PSMB9: variants seen among roughly 807,000 people sequenced by gnomAD.
PSMB9 encodes proteasome subunit beta type-9.
A neutral mutation model predicts 26.9 loss-of-function variants in PSMB9; 16 were observed. The ratio of observed to expected loss-of-function variants is 0.59; its 90% CI spans 0.40 to 0.90. PSMB9 has a LOEUF of 0.90. PSMB9 is among the 40% of genes least tolerant of loss of function. The pLI is 0.00. For synonymous variants in PSMB9, 91 were observed against 112.0 expected, an observed-to-expected ratio of 0.81 and a Z score of 1.18; for missense variants, 253 against 292.2, an observed-to-expected ratio of 0.87 and a Z score of 0.98.
Position 32,858,102 on chromosome 6 carries a change from G to A in PSMB9, c.358G>A (p.Val120Ile). ...YREDLSAHLM[V>I]AGWDQREGGQ... ...AGAGGACTTGTCTGCACATCTCATGGTAGCTGGCTGGGACCAACGTGAAGG... is the reference window on the plus strand; with the variant it reads ...AGAGGACTTGTCTGCACATCTCATGATAGCTGGCTGGGACCAACGTGAAGG... The change falls in exon 4 of 6, where the codon GTA becomes ATA. Residue 120 changes from valine to isoleucine, a missense_variant. Coordinates refer to ENST00000374859, the MANE Select transcript of PSMB9 (RefSeq NM_002800.5). The surrounding 1 kb of genome is among the most constrained non-coding windows in gnomAD (Gnocchi z 5.2). 1.9e-6 allele frequency: 3 copies of A among 1,613,092 alleles called. No homozygotes were observed. Among genetic ancestry groups the A allele is most frequent in the Middle Eastern group, 1.6e-4 (1 of 6,062 alleles).
Position 32,858,893 on chromosome 6 carries a change from A to G in PSMB9, c.532+388A>G, listed in dbSNP as rs1234789218. The G allele has an allele frequency of 2.1e-5, 4 of 194,356 alleles. No individual in the cohort carries two copies. The highest frequency in any genetic ancestry group is 3.7e-5 in the Non-Finnish European group (4 of 107,408). 12.0% of individuals were successfully genotyped at this position (194,356 alleles called of 1,614,324 possible). On this transcript the variant is annotated intron_variant, in intron 5 of 5. Coordinates refer to ENST00000374859, the MANE Select transcript of PSMB9 (RefSeq NM_002800.5). The surrounding 1 kb of genome is among the most constrained non-coding windows in gnomAD (Gnocchi z 5.2). ...CCACAAAAAACAATAAAAAAAAGTA[A>G]AAAAAAAAATGAACTGGGCATAGTG... is the stretch of plus-strand genomic sequence containing the variant.
chr6:32,858,286 C>A lies in PSMB9; in HGVS notation c.391-78C>A. ...GATATGAGATACCAGGGCTTCATTG[C>A]AGGGTGCAGAGACCACTTAATGTCT... On this transcript the variant is annotated intron_variant, in intron 4 of 5. Transcript: ENST00000374859. The surrounding 1 kb of genome is among the most constrained non-coding windows in gnomAD (Gnocchi z 5.2). The A allele has an allele frequency of 1.2e-6, 2 of 1,604,144 alleles. No homozygotes were observed. The highest frequency in any genetic ancestry group is 1.7e-6 in the Non-Finnish European group (2 of 1,173,638).
In PSMB9 at chr6:32,858,870, A is replaced by C; in HGVS notation, c.532+365A>C. On this transcript the variant is annotated intron_variant, in intron 5 of 5. Transcript: ENST00000374859. The surrounding 1 kb of genome is among the most constrained non-coding windows in gnomAD (Gnocchi z 5.2). ...GGCAAGATGGTGAAACCCTGTCTCC[A>C]CAAAAAACAATAAAAAAAAGTAAAA... 1 of 337,730 alleles carries C rather than the reference A, an allele frequency of 3.0e-6. No individual in the cohort carries two copies. The highest frequency in any genetic ancestry group is 5.5e-6 in the Non-Finnish European group (1 of 182,100). The allele number at this position is 337,730 out of a possible 1,614,324, so 20.9% of individuals were successfully genotyped here. A position where few individuals can be genotyped will look rare whatever the true frequency, so the allele number is the denominator to read the frequency against.
chr6:32,858,133 A>G lies in PSMB9; in HGVS notation c.389A>G (p.Gln130Arg). 1.2e-6 allele frequency: 2 copies of G among 1,613,074 alleles called. No individual in the cohort carries two copies. Among genetic ancestry groups the G allele is most frequent in the Non-Finnish European group, 1.7e-6 (2 of 1,180,006 alleles). Residue 130 changes from glutamine to arginine, a missense_variant and splice_region_variant, in exon 4 of 6, where the codon CAG (glutamine) becomes CGG (arginine). Coordinates refer to ENST00000374859, the MANE Select transcript of PSMB9 (RefSeq NM_002800.5). The surrounding 1 kb of genome is among the most constrained non-coding windows in gnomAD (Gnocchi z 5.2). ...GGCTGGGACCAACGTGAAGGAGGTC[A>G]GGTGAGTTTCTCCCAAAGCACTCTC... ...VAGWDQREGG[Q>R]VYGTLGGMLT...
chr6:32,855,981 G>T, intron 1 of PSMB9, 157 bp from the exon 2 acceptor site: 1 of 622,864 alleles, frequency 1.6e-6, no homozygotes, highest in South Asian at 2.0e-5. Flanking sequence ...GTGGAAAGAT[G>T]AAGGGAAAAA....
intron 3 of PSMB9, 160 bp from the exon 4 acceptor site, chr6:32,857,845 T>G: frequency 1.3e-6 from 1 of 752,438 alleles, no homozygotes. Flanking sequence ...TACCAGTTGG[T>G]GGTGTGGGAC....
At chr6:32,855,912 G>A (rs1258002520) in intron 1 of PSMB9, among the ~76,000 whole-genome samples, 1 of 152,178 alleles carries the variant, frequency 6.6e-6, no homozygotes, top group African/African-American at 2.4e-5. Flanking sequence ...AGTTCTTTCT[G>A]TGTTGTATCA....
chr6:32,855,742 A>G (rs905455119), intron 1 of PSMB9, among the ~76,000 whole-genome samples: 33 of 151,740 alleles, frequency 2.2e-4, no homozygotes, highest in Admixed American at 5.9e-4. Context: ...ATAGTCAATT[A>G]CTCTGTGTTG....
intron 2 of PSMB9, 161 bp from the exon 3 acceptor site, chr6:32,857,102 A>G: frequency 1.5e-6 from 1 of 648,656 alleles, no homozygotes; most frequent in Non-Finnish European, 2.3e-6. Context: ...CGGGAGGCTG[A>G]GGCAGGAGAA....
intron 3 of PSMB9, 165 bp downstream of exon 3, chr6:32,857,559 G>T: frequency 1.2e-6 from 1 of 855,184 alleles, no homozygotes. Context: ...CTGTAAAGTG[G>T]AGATAATATA....
At chr6:32,856,067 TTTC>T in intron 1 of PSMB9, 68 bp from the exon 2 acceptor site, 1 of 1,412,682 alleles carries the variant, frequency 7.1e-7, no homozygotes, top group Non-Finnish European at 9.9e-7. Flanking sequence ...TCTGGGAATG[TTTC>T]TTCTTCTCTA....
chr6:32,856,119 A>G lies in PSMB9; in HGVS notation c.61-19A>G. The stretch of plus-strand genomic sequence containing the variant: ...AAGGCTGTTCTTGCCCTGACATTCC[A>G]TATTCTGTGTCTCTGCAGACCACCA... On this transcript the variant is annotated intron_variant, in intron 1 of 5. Coordinates refer to ENST00000374859, the MANE Select transcript of PSMB9 (RefSeq NM_002800.5). 6.2e-7 allele frequency: 1 copy of G among 1,609,776 alleles called. No individual in the cohort carries two copies. Among genetic ancestry groups the G allele is most frequent in the Non-Finnish European group, 8.5e-7 (1 of 1,177,216 alleles).
rs1771365812 is a variant in PSMB9 at position 32,859,633 on chromosome 6, G to A, written c.*101G>A. 1.4e-5 allele frequency: 20 copies of A among 1,408,774 alleles called. No individual in the cohort carries two copies. In the East Asian group the frequency reaches 4.7e-4, roughly 33 times the overall value. The allele number at this position is 1,408,774 out of a possible 1,614,324, so 87.3% of individuals were successfully genotyped here. On this transcript the variant is annotated 3_prime_UTR_variant, in exon 6 of 6. Coordinates refer to ENST00000374859, the MANE Select transcript of PSMB9 (RefSeq NM_002800.5). ...GAGTGCTCAGGGAGATGGAGCTTAG[G>A]GGAGGTGGGTGCTTCCCTCCTAGAT... is the stretch of plus-strand genomic sequence containing the variant.
intron 2 of PSMB9, 83 bp downstream of exon 2, chr6:32,856,288 C>T (rs1771157294): frequency 5.8e-6 from 8 of 1,369,796 alleles, no homozygotes; most frequent in Non-Finnish European, 8.2e-6. Context: ...CATGAAAAGA[C>T]TGGCAAACTG....
intron 2 of PSMB9, 114 bp downstream of exon 2, chr6:32,856,319 T>G: frequency 9.3e-7 from 1 of 1,071,596 alleles, no homozygotes; most frequent in Non-Finnish European, 1.4e-6. Flanking sequence ...GGAATGGAGT[T>G]GACCTTCCCC....
Position 32,858,095 on chromosome 6 carries a change from T to A in PSMB9, c.351T>A (p.His117Gln). The A allele has an allele frequency of 6.2e-7, 1 of 1,613,086 alleles. No individual in the cohort carries two copies. The highest frequency in any genetic ancestry group is 8.5e-7 in the Non-Finnish European group (1 of 1,180,030). The change falls in exon 4 of 6, where the codon CAT becomes CAA. Residue 117 changes from histidine to glutamine, a missense_variant. Physicochemically the swap from His to Gln is conservative, Grantham distance 24. Transcript: ENST00000374859. The surrounding 1 kb of genome is among the most constrained non-coding windows in gnomAD (Gnocchi z 5.2). ...SYKYREDLSA[H>Q]LMVAGWDQRE... ...AATATCGAGAGGACTTGTCTGCACATCTCATGGTAGCTGGCTGGGACCAAC... is the reference window on the plus strand; with the variant it reads ...AATATCGAGAGGACTTGTCTGCACAACTCATGGTAGCTGGCTGGGACCAAC...
chr6:32,859,503 A>G lies in PSMB9; in HGVS notation c.631A>G (p.Asn211Asp). The G allele has an allele frequency of 6.2e-7, 1 of 1,613,720 alleles. No individual in the cohort carries two copies. ...AGVDHRVILG[N>D]ELPKFYDE is the part of the protein sequence containing the mutation. Reference sequence around the variant, plus strand: ...TGTGGACCATCGAGTCATCTTGGGCAATGAACTGCCAAAATTCTATGATGA... The same window carrying G: ...TGTGGACCATCGAGTCATCTTGGGCGATGAACTGCCAAAATTCTATGATGA... The change falls in exon 6 of 6, where the codon AAT becomes GAT. Residue 211 changes from asparagine to aspartate, a missense_variant. By Grantham distance (23) the Asn-to-Asp change is conservative. Coordinates refer to ENST00000374859, the MANE Select transcript of PSMB9 (RefSeq NM_002800.5).
rs182700479 is a variant in PSMB9 at position 32,858,459 on chromosome 6, T to C, written c.486T>C (p.Tyr162=). ...TCTATGGTTATGTGGATGCAGCATA[T>C]AAGCCAGGCATGTCTCCCGAGGAGT... is the stretch of plus-strand genomic sequence containing the variant. ...TFIYGYVDAA[Y]KPGMSPEECR... The change falls in exon 5 of 6, where the codon TAT becomes TAC. Residue 162 remains tyrosine (Y), a synonymous_variant. Coordinates refer to ENST00000374859, the MANE Select transcript of PSMB9 (RefSeq NM_002800.5). This position sits in a 1 kb window ranked among gnomAD's most constrained non-coding sequence, Gnocchi z 5.2. 2,306 of 1,612,988 alleles carry C rather than the reference T, an allele frequency of 1.4e-3. 56 individuals carry two copies. In the South Asian group the frequency reaches 0.024, roughly 17 times the overall value.
Position 32,858,700 on chromosome 6 carries a change from C to A in PSMB9, c.532+195C>A. 1 of 693,968 alleles carries A rather than the reference C, an allele frequency of 1.4e-6. No individual in the cohort carries two copies. Among genetic ancestry groups the A allele is most frequent in the Non-Finnish European group, 2.5e-6 (1 of 403,986 alleles). 43.0% of individuals were successfully genotyped at this position (693,968 alleles called of 1,614,324 possible). A position where few individuals can be genotyped will look rare whatever the true frequency, so the allele number is the denominator to read the frequency against. ...CTTGGGCAATACGGATAAACCAGGG[C>A]TGTTCTGAGTAAATCAAATGAGGAT... On this transcript the variant is annotated intron_variant, in intron 5 of 5. Transcript: ENST00000374859. This position sits in a 1 kb window ranked among gnomAD's most constrained non-coding sequence, Gnocchi z 5.2.
Sources: gnomAD v4.1 joint callset for allele counts (sites outside exome capture counted in the v4.1 genomes callset) on GRCh38, gnomAD v4.1.1 for gene constraint, Gnocchi (gnomAD v3.1) non-coding constraint, MANE v1.5 for transcripts, NCBI Gene and HGNC (gene_info 2026-07-23, HGNC 2026-07-21) for gene names.